The following GPC5 variants were observed in gnomAD, a reference collection of about 807,000 sequenced individuals.
GPC5 encodes the protein glypican 5.
GPC5 carries 47 observed loss-of-function variants against 53.9 expected under a neutral mutation model. That is an observed-to-expected ratio of 0.87 (90% CI 0.69 to 1.11). The LOEUF (loss-of-function observed/expected upper bound fraction) is 1.11, where lower values mean the gene tolerates loss of function less well. GPC5 is among the 50% of genes most tolerant of loss of function. The pLI, the probability that GPC5 is intolerant of heterozygous loss-of-function variation, is 0.00. For synonymous variants in GPC5, 286 were observed against 263.3 expected (o/e 1.09, Z -0.84); for missense variants, 748 against 713.1 (o/e 1.05, Z -0.56).
intron 7 of GPC5, among the ~76,000 whole-genome samples, chr13:92,849,274 T>C (rs1380595635): frequency 6.6e-6 from 1 of 152,166 alleles, no homozygotes; most frequent in Admixed American, 6.5e-5. Context: ...GTATTTTGTT[T>C]AGCTATCCCC....
At chr13:92,216,089 A>C (rs2042407592) in intron 7 of GPC5, among the ~76,000 whole-genome samples, 1 of 152,194 alleles carries the variant, frequency 6.6e-6, no homozygotes, top group Non-Finnish European at 1.5e-5. Context: ...ACAGAAAAAC[A>C]TCATTCCTGA....
At chr13:92,270,516 C>T (rs1468354820) in intron 7 of GPC5, among the ~76,000 whole-genome samples, 1 of 152,118 alleles carries the variant, frequency 6.6e-6, no homozygotes, top group Non-Finnish European at 1.5e-5. Flanking sequence ...GCAGATGAGT[C>T]TTTTACAGCC....
intron 7 of GPC5, among the ~76,000 whole-genome samples, chr13:92,694,003 C>T (rs1441997093): frequency 6.6e-6 from 1 of 152,208 alleles, no homozygotes; most frequent in Non-Finnish European, 1.5e-5. Context: ...CCAGCAGCTC[C>T]AGCTGCAGAT....
intron 2 of GPC5, among the ~76,000 whole-genome samples, chr13:91,560,757 T>C (rs1341723768): frequency 1.3e-5 from 2 of 151,416 alleles, no homozygotes; most frequent in Non-Finnish European, 2.9e-5. Flanking sequence ...TAATGTGATT[T>C]TTTTTAGGAA....
At chr13:92,795,646 T>C (rs982435674) in intron 7 of GPC5, among the ~76,000 whole-genome samples, 4 of 152,076 alleles carry the variant, frequency 2.6e-5, no homozygotes, top group African/African-American at 9.7e-5. Context: ...AAAGAGCTAA[T>C]ATCCAGAATC....
chr13:92,531,734 C>T (rs942894012), intron 7 of GPC5, among the ~76,000 whole-genome samples: 3 of 152,140 alleles, frequency 2.0e-5, no homozygotes, highest in Non-Finnish European at 2.9e-5. Context: ...ATATTCTATG[C>T]GTACTGATCT....
intron 6 of GPC5, among the ~76,000 whole-genome samples, chr13:92,020,026 A>C (rs1238424994): frequency 1.3e-5 from 2 of 152,016 alleles, no homozygotes; most frequent in Non-Finnish European, 1.5e-5. Flanking sequence ...CTAGAGAAGA[A>C]TTCATTTCTT....
intron 2 of GPC5, among the ~76,000 whole-genome samples, chr13:91,649,049 C>T (rs765597808): frequency 6.6e-6 from 1 of 152,182 alleles, no homozygotes; most frequent in Non-Finnish European, 1.5e-5. Flanking sequence ...AGTGAGTTCT[C>T]ATGAGATTTG....
chr13:91,673,347 A>G (rs1296157162), intron 2 of GPC5, among the ~76,000 whole-genome samples: 1 of 152,196 alleles, frequency 6.6e-6, no homozygotes, highest in Non-Finnish European at 1.5e-5. Context: ...TAACATTTAA[A>G]AAATTTAGTT....
intron 2 of GPC5, among the ~76,000 whole-genome samples, chr13:91,499,848 C>T (rs919035819): frequency 6.6e-6 from 1 of 152,188 alleles, no homozygotes. Context: ...AAACATCATC[C>T]TGTATTGATT....
chr13:91,598,768 G>A (rs2033081060), intron 2 of GPC5, among the ~76,000 whole-genome samples: 1 of 151,986 alleles, frequency 6.6e-6, no homozygotes, highest in Admixed American at 6.6e-5. Flanking sequence ...GCATGAAAAG[G>A]GATAGAAATA....
intron 7 of GPC5, among the ~76,000 whole-genome samples, chr13:92,200,927 A>C (rs1282392805): frequency 6.6e-6 from 1 of 151,818 alleles, no homozygotes; most frequent in African/African-American, 2.4e-5. Flanking sequence ...TCCCAGAATA[A>C]ATTGGAGGAG....
At chr13:92,326,114 ATAT>A (rs2043248902) in intron 7 of GPC5, among the ~76,000 whole-genome samples, 1 of 152,100 alleles carries the variant, frequency 6.6e-6, no homozygotes, top group African/African-American at 2.4e-5. Context: ...TAGGTGAAAA[ATAT>A]TATTTACTGT....
At chr13:92,516,261 C>A (rs533265839) in intron 7 of GPC5, among the ~76,000 whole-genome samples, 4 of 152,030 alleles carry the variant, frequency 2.6e-5, no homozygotes, top group African/African-American at 9.6e-5. Flanking sequence ...TAATAATAAT[C>A]CATATAGCAA....
In GPC5 at chr13:91,794,290, A is replaced by C. The variant is rs532062901; in HGVS notation, c.1280+37870A>C. Among the ~76,000 whole-genome samples the C allele has an allele frequency of 7.9e-5, 12 of 152,312 alleles. No individual in the cohort carries two copies. In the South Asian group the frequency reaches 1.5e-3, roughly 18 times the overall value. ...GCTGATTTCTAGGGTTAGAAATTAT[A>C]AGCCCCTGATCCAGAACTGTAGTAA... is the stretch of plus-strand genomic sequence containing the variant. On this transcript the variant is annotated intron_variant, in intron 5 of 7. Transcript: ENST00000377067.
intron 7 of GPC5, among the ~76,000 whole-genome samples, chr13:92,601,858 T>G (rs1488308227): frequency 6.6e-6 from 1 of 151,662 alleles, no homozygotes; most frequent in African/African-American, 2.4e-5. Flanking sequence ...TACTGAAAAT[T>G]TCTTCTATGA....
intron 5 of GPC5, among the ~76,000 whole-genome samples, chr13:91,896,094 C>G (rs151280007): frequency 2.0e-5 from 3 of 151,124 alleles, no homozygotes; most frequent in African/African-American, 7.3e-5. Flanking sequence ...CTTGGATAAT[C>G]CCCCCATTTA....
At chr13:91,461,487 A>G (rs1339621762) in intron 2 of GPC5, among the ~76,000 whole-genome samples, 2 of 152,076 alleles carry the variant, frequency 1.3e-5, no homozygotes. Flanking sequence ...TGGGATAACA[A>G]TAGTAACTTC....
intron 5 of GPC5, among the ~76,000 whole-genome samples, chr13:91,838,957 A>G (rs2038753635): frequency 7.2e-6 from 1 of 139,828 alleles, no homozygotes; most frequent in African/African-American, 2.5e-5. Flanking sequence ...CCATGCTCCT[A>G]CATACGTATA....
Sources: allele counts gnomAD v4.1 joint callset (sites outside exome capture counted in the v4.1 genomes callset), GRCh38; gene constraint gnomAD v4.1.1; transcripts MANE v1.5; gene names NCBI Gene and HGNC (gene_info 2026-07-23, HGNC 2026-07-21).